Variants in PTPRS observed in about 807,000 individuals in gnomAD.
PTPRS encodes receptor-type tyrosine-protein phosphatase S.
PTPRS carries 63 observed loss-of-function variants against 215.3 expected under a neutral mutation model. The observed-to-expected ratio is 0.29, with a 90% CI of 0.24 to 0.36. PTPRS has a LOEUF of 0.36. Ranked by LOEUF, PTPRS falls within the 10% of genes least tolerant of loss-of-function variation. The pLI, the probability that PTPRS is intolerant of heterozygous loss-of-function variation, is 1.00. For missense variants in PTPRS, 2,258 were observed against 2,825.8 expected (o/e 0.80, Z 4.56); for synonymous variants, 1,404 against 1,191.4 (o/e 1.18, Z -3.68).
chr19:5,222,680 C>G lies in PTPRS; in HGVS notation c.3103+9G>C, dbSNP rs746570573. 6.4e-7 allele frequency: 1 copy of G among 1,562,258 alleles called. No individual in the cohort carries two copies. Among genetic ancestry groups the G allele is most frequent in the South Asian group, 1.2e-5 (1 of 86,420 alleles). On this transcript the variant is annotated intron_variant, in intron 18 of 37. Coordinates refer to ENST00000262963, the MANE Select transcript of PTPRS (RefSeq NM_002850.4). Reference sequence around the variant, plus strand: ...TCCGGCTCTGGTGCAGGGGTCGCCGCGCGCCTACCTTGGTCCCGCAGGAAC... The same window carrying G: ...TCCGGCTCTGGTGCAGGGGTCGCCGGGCGCCTACCTTGGTCCCGCAGGAAC...
rs567568275 is a variant in PTPRS at position 5,293,716 on chromosome 19, G to A, written c.-94-7482C>T. On this transcript the variant is annotated intron_variant, in intron 1 of 37. Coordinates refer to ENST00000262963, the MANE Select transcript of PTPRS (RefSeq NM_002850.4). The surrounding 1 kb of genome is among the most constrained non-coding windows in gnomAD (Gnocchi z 8.4). ...AGGCACGGTGATGGGGGCGGGGGGC[G>A]TCCCCTCTTCCCCCTCTTAGACCAG... Among the ~76,000 whole-genome samples the A allele has an allele frequency of 9.2e-5, 14 of 152,136 alleles. No homozygotes were observed. Among genetic ancestry groups the A allele is most frequent in the Non-Finnish European group, 2.1e-4 (14 of 68,004 alleles).
chr19:5,275,241 T>C (rs915417180), intron 2 of PTPRS, among the ~76,000 whole-genome samples: 1 of 150,876 alleles, frequency 6.6e-6, no homozygotes, highest in Non-Finnish European at 1.5e-5. Flanking sequence ...CGGCTAACTT[T>C]TTGTATTTTT....
At chr19:5,216,897 ACAGC>A (rs1210930871) in intron 25 of PTPRS, 130 bp from the exon 26 acceptor site, 5 of 641,668 alleles carry the variant, frequency 7.8e-6, no homozygotes. Flanking sequence ...GGGGGTATGT[ACAGC>A]CACCTGGGCC....
intron 7 of PTPRS, among the ~76,000 whole-genome samples, chr19:5,259,423 G>A (rs2045816645): frequency 6.6e-6 from 1 of 152,172 alleles, no homozygotes; most frequent in South Asian, 2.1e-4. Context: ...AAAGATATCT[G>A]AAACCACATG....
At chr19:5,240,392 C>A in intron 11 of PTPRS, 60 bp from the exon 12 acceptor site, 2 of 1,470,018 alleles carry the variant, frequency 1.4e-6, no homozygotes, top group Admixed American at 2.5e-5. Context: ...AAAGGGGGCC[C>A]CACCTGCTGA....
chr19:5,234,644 A>G (rs1469294326), intron 13 of PTPRS, among the ~76,000 whole-genome samples: 1 of 152,250 alleles, frequency 6.6e-6, no homozygotes, highest in Non-Finnish European at 1.5e-5. Flanking sequence ...GCTCTCTCAG[A>G]AAACAGTAGT....
At position 5,322,561 on chromosome 19, in the gene PTPRS, C is replaced by T. The variant is rs992301183; in HGVS notation, c.-95+18103G>A. 3.9e-5 allele frequency among the ~76,000 whole-genome samples: 6 copies of T among 152,218 alleles called. No individual in the cohort carries two copies. The East Asian group carries it at 5.8e-4, about 15-fold the overall frequency. On this transcript the variant is annotated intron_variant, in intron 1 of 37. Coordinates refer to ENST00000262963, the MANE Select transcript of PTPRS (RefSeq NM_002850.4). ...AAGAACGTGGAAGCCACCTGCTCCC[C>T]GCAAGCACTGCCTCCAGCCCGCAGA...
rs774558867 is a variant in PTPRS at position 5,210,472 on chromosome 19, G to A, written c.5484C>T (p.Ala1828=). 6.2e-7 allele frequency: 1 copy of A among 1,614,118 alleles called. No homozygotes were observed. The highest frequency in any genetic ancestry group is 1.7e-5 in the Admixed American group (1 of 60,022). The change falls in exon 35 of 38, where the codon GCC becomes GCT. Residue 1828 remains alanine (A), a synonymous_variant. Coordinates refer to ENST00000262963, the MANE Select transcript of PTPRS (RefSeq NM_002850.4). The surrounding 1 kb of genome is among the most constrained non-coding windows in gnomAD (Gnocchi z 4.5). The part of the protein sequence containing the change: ...YILREFKVTD[A]RDGQSRTVRQ... ...GCCAGTCTGTCTCTTCACTCACCCG[G>A]GCATCTGTGACCTTGAACTCTCGCA...
Position 5,286,246 on chromosome 19 carries a change from A to G in PTPRS, c.-94-12T>C, listed in dbSNP as rs2048340945. 1.6e-6 allele frequency: 2 copies of G among 1,264,304 alleles called. No homozygotes were observed. Among genetic ancestry groups the G allele is most frequent in the Admixed American group, 2.0e-5 (1 of 50,028 alleles). 78.3% of individuals were successfully genotyped at this position (1,264,304 alleles called of 1,614,324 possible). A position where few individuals can be genotyped will look rare whatever the true frequency, so the allele number is the denominator to read the frequency against. ...AGATGGGGCAACGTCTGCAGAGACA[A>G]TGGAGGGCTGTGAGAGGCGAGTGGG... is the stretch of plus-strand genomic sequence containing the variant. On this transcript the variant is annotated splice_polypyrimidine_tract_variant and intron_variant, in intron 1 of 37. Coordinates refer to ENST00000262963, the MANE Select transcript of PTPRS (RefSeq NM_002850.4).
At chr19:5,267,864 T>A (rs1224950382) in intron 4 of PTPRS, among the ~76,000 whole-genome samples, 1 of 152,042 alleles carries the variant, frequency 6.6e-6, no homozygotes, top group East Asian at 1.9e-4. Flanking sequence ...GCCCTGTAGC[T>A]GTATTTATTA....
intron 1 of PTPRS, among the ~76,000 whole-genome samples, chr19:5,305,531 A>G (rs1002660479): frequency 6.6e-6 from 1 of 151,492 alleles, no homozygotes; most frequent in Non-Finnish European, 1.5e-5. Context: ...TGGGTGACAG[A>G]GAATGAGACC....
Position 5,273,684 on chromosome 19 carries a change from C to G in PTPRS, c.238-101G>C, listed in dbSNP as rs908093764. ...TGGGCTGTAGGGGAATGGCAGTCAG[C>G]CCCATGATCCTGGGGGTGACTGGGA... On this transcript the variant is annotated intron_variant, in intron 3 of 37. Coordinates refer to ENST00000262963, the MANE Select transcript of PTPRS (RefSeq NM_002850.4). 8 of 1,399,424 alleles carry G rather than the reference C, an allele frequency of 5.7e-6. No homozygotes were observed. In the Admixed American group the frequency reaches 1.6e-4, roughly 28 times the overall value. The allele number at this position is 1,399,424 out of a possible 1,614,324, so 86.7% of individuals were successfully genotyped here.
At chr19:5,302,085 C>T (rs1392725049) in intron 1 of PTPRS, among the ~76,000 whole-genome samples, 2 of 151,748 alleles carry the variant, frequency 1.3e-5, no homozygotes, top group Admixed American at 6.6e-5. Flanking sequence ...CTTGGCCCCC[C>T]GATTTAATCA....
At chr19:5,223,667 A>T (rs940997985) in intron 17 of PTPRS, among the ~76,000 whole-genome samples, 12 of 110,444 alleles carry the variant, frequency 1.1e-4, no homozygotes, top group African/African-American at 6.5e-4. Context: ...GGTTCAAGGG[A>T]TTCTCCTGCC....
At chr19:5,313,884 C>A (rs1413386690) in intron 1 of PTPRS, among the ~76,000 whole-genome samples, 1 of 152,026 alleles carries the variant, frequency 6.6e-6, no homozygotes, top group Admixed American at 6.6e-5. Context: ...ACTGCTTGAG[C>A]CCAGCAGTTC....
chr19:5,235,194 C>T (rs1187872532), intron 13 of PTPRS, among the ~76,000 whole-genome samples: 1 of 152,092 alleles, frequency 6.6e-6, no homozygotes, highest in Admixed American at 6.5e-5. Flanking sequence ...CCCACCTCGG[C>T]CTCCCAAAGT....
rs190153635 is a variant in PTPRS, at chr19:5,325,540, C to T, written c.-95+15124G>A. Reference sequence around the variant, plus strand: ...CCGGCCCCCTGCCTCCACACCACGACGGTTTCACTCATTCCAACATCCACC... The same window carrying T: ...CCGGCCCCCTGCCTCCACACCACGATGGTTTCACTCATTCCAACATCCACC... On this transcript the variant is annotated intron_variant, in intron 1 of 37. Transcript: ENST00000262963. Among the ~76,000 whole-genome samples, 444 of 152,324 alleles carry T rather than the reference C, an allele frequency of 2.9e-3. 5 individuals are homozygous for T. The highest frequency in any genetic ancestry group is 0.021 in the Admixed American group (315 of 15,304).
chr19:5,232,086 A>C (rs1486367927), intron 13 of PTPRS, among the ~76,000 whole-genome samples: 1 of 151,820 alleles, frequency 6.6e-6, no homozygotes, highest in East Asian at 1.9e-4. Context: ...TATTTGTTGA[A>C]CATCTACTAT....
At chr19:5,243,751 C>T (rs912321149) in intron 11 of PTPRS, 150 bp downstream of exon 11, 50 of 782,270 alleles carry the variant, frequency 6.4e-5, no homozygotes, top group Admixed American at 3.5e-5. Flanking sequence ...AGATTACAGG[C>T]GTAAACCACC....
Sources: gnomAD v4.1 joint callset for allele counts (sites outside exome capture counted in the v4.1 genomes callset) on GRCh38, gnomAD v4.1.1 for gene constraint, Gnocchi (gnomAD v3.1) non-coding constraint, MANE v1.5 for transcripts, NCBI Gene and HGNC (gene_info 2026-07-23, HGNC 2026-07-21) for gene names.